Variants in GRIK1 observed in about 807,000 individuals in gnomAD.
GRIK1 encodes glutamate ionotropic receptor kainate type subunit 1.
In GRIK1, 69 loss-of-function variants were observed where a neutral mutation model predicts 105.7. The ratio of observed to expected loss-of-function variants is 0.65; its 90% confidence interval spans 0.54 to 0.80. GRIK1 has a LOEUF of 0.80. Ranked by LOEUF, GRIK1 falls within the 30% of genes least tolerant of loss-of-function variation. The pLI, the probability that GRIK1 is intolerant of heterozygous loss-of-function variation, is 0.00. For missense variants in GRIK1, 1,109 were observed against 1,167.3 expected (o/e 0.95, Z 0.73); for synonymous variants, 438 against 431.3 (o/e 1.02, Z -0.19).
intron 1 of GRIK1, among the ~76,000 whole-genome samples, chr21:29,750,120 T>C (rs2065147244): frequency 6.6e-6 from 1 of 152,234 alleles, no homozygotes; most frequent in Admixed American, 6.5e-5. Flanking sequence ...GAAGAATTAA[T>C]TGAGGAGAGG....
intron 14 of GRIK1, among the ~76,000 whole-genome samples, chr21:29,571,279 C>A (rs926577169): frequency 2.0e-5 from 3 of 151,748 alleles, no homozygotes; most frequent in Admixed American, 2.0e-4. Context: ...ATTGCTTGAA[C>A]TCAGGAGGCA....
intron 1 of GRIK1, among the ~76,000 whole-genome samples, chr21:29,853,348 G>A (rs2068365773): frequency 6.6e-6 from 1 of 152,174 alleles, no homozygotes; most frequent in Admixed American, 6.5e-5. Context: ...TAGGATATGT[G>A]GCAGCACCCT....
chr21:29,593,635 G>A (rs575145457), intron 9 of GRIK1, among the ~76,000 whole-genome samples: 34 of 152,256 alleles, frequency 2.2e-4, no homozygotes, highest in African/African-American at 7.2e-4. Context: ...CTGAGGAGAA[G>A]GGAATCTAAT....
chr21:29,877,993 A>G (rs976830792), intron 1 of GRIK1, among the ~76,000 whole-genome samples: 1 of 152,202 alleles, frequency 6.6e-6, no homozygotes, highest in Non-Finnish European at 1.5e-5. Context: ...GGGGAGATTA[A>G]TTATGCCTAG....
chr21:29,792,427 C>T (rs992366672), intron 1 of GRIK1, among the ~76,000 whole-genome samples: 2 of 152,154 alleles, frequency 1.3e-5, no homozygotes, highest in African/African-American at 4.8e-5. Flanking sequence ...TGCATTTACT[C>T]TCTCAGGGCA....
intron 14 of GRIK1, among the ~76,000 whole-genome samples, chr21:29,569,137 A>G (rs2090679725): frequency 6.6e-6 from 1 of 152,236 alleles, no homozygotes; most frequent in South Asian, 2.1e-4. Context: ...GAAGGCAGAC[A>G]CTGCAGAGAT....
rs144349321 is a variant in GRIK1, at chr21:29,584,333, T to A, written c.1794-2790A>T. Among the ~76,000 whole-genome samples the A allele has an allele frequency of 8.8e-3, 1,343 of 152,300 alleles. 50 individuals carry two copies. The highest frequency in any genetic ancestry group is 0.074 in the Admixed American group (1,134 of 15,278). ...ATTTTTTTTTGCCAAATGCCAACTT[T>A]AAAAATGTCCATTTTTAAGAAGACG... On this transcript the variant is annotated intron_variant, in intron 12 of 17. Transcript: ENST00000327783.
At chr21:29,817,661 G>T (rs2067190311) in intron 1 of GRIK1, among the ~76,000 whole-genome samples, 1 of 152,056 alleles carries the variant, frequency 6.6e-6, no homozygotes, top group Non-Finnish European at 1.5e-5. Context: ...ATTCATAGGG[G>T]TCATGTGGAA....
chr21:29,769,047 T>C (rs1392059712), intron 1 of GRIK1, among the ~76,000 whole-genome samples: 1 of 152,188 alleles, frequency 6.6e-6, no homozygotes, highest in African/African-American at 2.4e-5. Context: ...TTAATGATTA[T>C]TATATTTGCT....
At chr21:29,562,724 A>C (rs2090512716) in intron 14 of GRIK1, among the ~76,000 whole-genome samples, 1 of 145,666 alleles carries the variant, frequency 6.9e-6, no homozygotes, top group South Asian at 2.2e-4. Flanking sequence ...TTTTAATTGT[A>C]ATCATATTTT....
At chr21:29,617,676 C>A (rs1274750656) in intron 7 of GRIK1, among the ~76,000 whole-genome samples, 1 of 152,100 alleles carries the variant, frequency 6.6e-6, no homozygotes, top group South Asian at 2.1e-4. Context: ...GGAATAGAGA[C>A]CATTTTATAT....
intron 7 of GRIK1, among the ~76,000 whole-genome samples, chr21:29,627,163 C>T (rs2062150802): frequency 6.6e-6 from 1 of 152,134 alleles, no homozygotes; most frequent in Non-Finnish European, 1.5e-5. Context: ...GTATTGCAAA[C>T]ATTTATTATG....
At chr21:29,760,162 A>G (rs1315335311) in intron 1 of GRIK1, 2 of 152,218 alleles carry the variant, frequency 1.3e-5, no homozygotes, top group Non-Finnish European at 2.9e-5. Context: ...TCTTCCTAAC[A>G]TGTTGACTGC....
Position 29,591,205 on chromosome 21 carries a change from G to A in GRIK1, c.1272C>T (p.Asn424=), listed in dbSNP as rs112563719. The change falls in exon 10 of 18, where the codon AAC becomes AAT. Residue 424 remains asparagine, a synonymous_variant. Transcript: ENST00000327783. ...VWKKIGIWNS[N]SGLNMTDSNK... is the part of the protein sequence containing the mutation. ...TGCTGTCCGTCATGTTAAGCCCACT[G>A]TTGGAATTCCAAATCCCAATCTACA... The A allele has an allele frequency of 6.2e-7, 1 of 1,602,908 alleles. No individual in the cohort carries two copies.
At chr21:29,656,384 A>AG (rs1568940229) in intron 4 of GRIK1, among the ~76,000 whole-genome samples, 1 of 148,416 alleles carries the variant, frequency 6.7e-6, no homozygotes, top group East Asian at 1.9e-4. Flanking sequence ...AAAAAAAAAA[A>AG]AAAAAGAAAT....
At chr21:29,822,158 G>C (rs538496431) in intron 1 of GRIK1, among the ~76,000 whole-genome samples, 5 of 152,024 alleles carry the variant, frequency 3.3e-5, no homozygotes, top group African/African-American at 1.2e-4. Flanking sequence ...AGCATATATT[G>C]TAGAGTCTCT....
At chr21:29,561,891 G>T in intron 14 of GRIK1, 42 bp from the exon 15 acceptor site, 1 of 1,147,902 alleles carries the variant, frequency 8.7e-7, no homozygotes, top group Non-Finnish European at 1.3e-6. Context: ...AAGAGGGCTG[G>T]AAAAATACGA....
At chr21:29,865,532 T>C (rs912512819) in intron 1 of GRIK1, among the ~76,000 whole-genome samples, 2 of 152,040 alleles carry the variant, frequency 1.3e-5, no homozygotes, top group Non-Finnish European at 2.9e-5. Context: ...CACAATGAAA[T>C]GTGTAAACAC....
chr21:29,597,905 C>A (rs2146316520), intron 8 of GRIK1, among the ~76,000 whole-genome samples: 2 of 152,224 alleles, frequency 1.3e-5, no homozygotes, highest in South Asian at 4.2e-4. Flanking sequence ...GAAAACCTTA[C>A]CTCATTTTAA....
Sources: allele counts gnomAD v4.1 joint callset (sites outside exome capture counted in the v4.1 genomes callset), GRCh38; gene constraint gnomAD v4.1.1; transcripts MANE v1.5; gene names NCBI Gene and HGNC (gene_info 2026-07-23, HGNC 2026-07-21).